Variants in EXOC6B observed in about 807,000 individuals in gnomAD.
The protein encoded by EXOC6B is SEC15 homolog B.
EXOC6B carries 54 observed loss-of-function variants against 113.5 expected under a neutral mutation model. That is an observed-to-expected ratio of 0.48 (90% CI 0.38 to 0.60). EXOC6B has a LOEUF of 0.60. EXOC6B is among the 20% of genes least tolerant of loss of function. The pLI, the probability that EXOC6B is intolerant of heterozygous loss-of-function variation, is 0.00. For synonymous variants in EXOC6B, 357 were observed against 339.0 expected (o/e 1.05, Z -0.58); for missense variants, 797 against 977.5 (o/e 0.82, Z 2.46).
intron 20 of EXOC6B, among the ~76,000 whole-genome samples, chr2:72,251,275 T>C (rs1019896502): frequency 5.9e-5 from 9 of 152,216 alleles, no homozygotes; most frequent in African/African-American, 1.9e-4. Flanking sequence ...GTGCAAAGTG[T>C]ATACAGGAAT....
At chr2:72,550,454 T>C (rs1263029116) in intron 8 of EXOC6B, among the ~76,000 whole-genome samples, 2 of 152,180 alleles carry the variant, frequency 1.3e-5, no homozygotes, top group African/African-American at 4.8e-5. Flanking sequence ...TAAACATACA[T>C]TCTCCAGAAA....
intron 20 of EXOC6B, among the ~76,000 whole-genome samples, chr2:72,277,422 T>C (rs1258708363): frequency 6.6e-6 from 1 of 152,026 alleles, no homozygotes; most frequent in African/African-American, 2.4e-5. Context: ...ATAGAACTAC[T>C]GGCTTCTATG....
chr2:72,396,592 C>A (rs535664574), intron 18 of EXOC6B, among the ~76,000 whole-genome samples: 1 of 152,140 alleles, frequency 6.6e-6, no homozygotes, highest in African/African-American at 2.4e-5. Context: ...ACTTAGGACT[C>A]AGAATATGGG....
intron 20 of EXOC6B, among the ~76,000 whole-genome samples, chr2:72,200,565 T>A (rs1289002723): frequency 2.0e-5 from 3 of 152,112 alleles, no homozygotes; most frequent in Non-Finnish European, 4.4e-5. Flanking sequence ...ACTGATAAAA[T>A]GATAGACCGT....
chr2:72,574,411 A>G (rs1704703445), intron 7 of EXOC6B, among the ~76,000 whole-genome samples: 1 of 152,196 alleles, frequency 6.6e-6, no homozygotes, highest in Non-Finnish European at 1.5e-5. Context: ...TGGGGTAGAG[A>G]CTACTGCCTC....
intron 14 of EXOC6B, among the ~76,000 whole-genome samples, chr2:72,495,832 A>G (rs747824551): frequency 3.9e-4 from 59 of 152,212 alleles, no homozygotes; most frequent in Non-Finnish European, 6.8e-4. Context: ...ACGAATCTCA[A>G]AAGCATTATG....
chr2:72,551,900 T>A (rs762743730), intron 8 of EXOC6B, among the ~76,000 whole-genome samples: 1 of 152,202 alleles, frequency 6.6e-6, no homozygotes, highest in African/African-American at 2.4e-5. Flanking sequence ...CCTGGTGTAA[T>A]GTAATCATAT....
chr2:72,391,278 C>T (rs1452402459), intron 18 of EXOC6B, among the ~76,000 whole-genome samples: 1 of 151,342 alleles, frequency 6.6e-6, no homozygotes, highest in Non-Finnish European at 1.5e-5. Context: ...CCGGTAGTGG[C>T]TACCTCAACA....
chr2:72,567,194 T>C (rs1385702458), intron 7 of EXOC6B, among the ~76,000 whole-genome samples: 2 of 151,924 alleles, frequency 1.3e-5, no homozygotes, highest in East Asian at 3.8e-4. Context: ...TATATCAATT[T>C]GGTAACAATC....
chr2:72,537,543 A>G lies in EXOC6B; in HGVS notation c.915+21910T>C, dbSNP rs1702366623. On this transcript the variant is annotated intron_variant, in intron 8 of 21. Transcript: ENST00000272427. ...CTACTCTGGAGGCTGAGTTGGGAAA[A>G]CTGCTTGAGCCCAGGAGGTTCAAGG... Among the ~76,000 whole-genome samples, 3 of 151,960 alleles carry G rather than the reference A, an allele frequency of 2.0e-5. No individual in the cohort carries two copies. In the South Asian group the frequency reaches 6.2e-4, roughly 32 times the overall value.
At chr2:72,482,520 T>C (rs896952456) in intron 16 of EXOC6B, among the ~76,000 whole-genome samples, 3 of 151,798 alleles carry the variant, frequency 2.0e-5, no homozygotes, top group African/African-American at 4.8e-5. Context: ...GGGTGGCATA[T>C]GACACAAAGC....
rs188696301 is a variant in EXOC6B at position 72,199,577 on chromosome 2, C to G, written c.2197-15390G>C. Among the ~76,000 whole-genome samples the G allele has an allele frequency of 4.9e-4, 75 of 152,276 alleles. 1 individual carries two copies. The East Asian group carries it at 0.012, about 24-fold the overall frequency. On this transcript the variant is annotated intron_variant, in intron 20 of 21. Coordinates refer to ENST00000272427, the MANE Select transcript of EXOC6B (RefSeq NM_015189.3). The stretch of plus-strand genomic sequence containing the variant: ...AGTGAGGTTTTAAATTACCTAAACC[C>G]TAGTAGGACAAATAGCTTCCTCTCC...
chr2:72,561,914 A>G (rs947669759), intron 7 of EXOC6B, among the ~76,000 whole-genome samples: 2 of 152,162 alleles, frequency 1.3e-5, no homozygotes, highest in Non-Finnish European at 2.9e-5. Context: ...CTTCCTAAGC[A>G]TAAGACTGCC....
chr2:72,209,223 CAAAAAAAAA>C lies in EXOC6B; in HGVS notation c.2197-25045_2197-25037del, dbSNP rs1170760516. ...GGGCAACAACAGCAAAACTCAGTCT[CAAAAAAAAA>C]AAAAAAAAAAAAAAAGAAAAGAAAA... On this transcript the variant is annotated intron_variant, in intron 20 of 21. Coordinates refer to ENST00000272427, the MANE Select transcript of EXOC6B (RefSeq NM_015189.3). Among the ~76,000 whole-genome samples, 12 of 57,106 alleles carry C rather than the reference CAAAAAAAAA, an allele frequency of 2.1e-4. 1 individual carries two copies. Among genetic ancestry groups the C allele is most frequent in the African/African-American group, 7.2e-4 (12 of 16,760 alleles). 37.5% of individuals were successfully genotyped at this position (57,106 alleles called of 152,430 possible).
intron 6 of EXOC6B, among the ~76,000 whole-genome samples, chr2:72,643,459 T>C (rs1249743794): frequency 6.7e-6 from 1 of 149,592 alleles, no homozygotes; most frequent in Non-Finnish European, 1.5e-5. Flanking sequence ...TCATGTCCTT[T>C]GTAGGGACAT....
At chr2:72,249,166 T>C (rs1682853399) in intron 20 of EXOC6B, among the ~76,000 whole-genome samples, 1 of 152,328 alleles carries the variant, frequency 6.6e-6, no homozygotes, top group East Asian at 1.9e-4. Context: ...CTCAGGAAGC[T>C]GAGGTGGGAG....
intron 8 of EXOC6B, among the ~76,000 whole-genome samples, chr2:72,559,074 A>T (rs1399578264): frequency 6.6e-6 from 1 of 152,206 alleles, no homozygotes; most frequent in East Asian, 1.9e-4. Context: ...CCTTTTCCAT[A>T]TGCTTTATAT....
At chr2:72,596,544 C>T (rs1670085743) in intron 6 of EXOC6B, among the ~76,000 whole-genome samples, 1 of 151,950 alleles carries the variant, frequency 6.6e-6, no homozygotes, top group African/African-American at 2.4e-5. Flanking sequence ...TATGCTCCCT[C>T]TAGTCTTCCT....
chr2:72,192,187 C>T (rs1678887020), intron 20 of EXOC6B, among the ~76,000 whole-genome samples: 1 of 152,128 alleles, frequency 6.6e-6, no homozygotes, highest in East Asian at 1.9e-4. Context: ...TTCCTTCTGA[C>T]TCCTCAACAG....
Sources: gnomAD v4.1 joint callset for allele counts (sites outside exome capture counted in the v4.1 genomes callset) on GRCh38, gnomAD v4.1.1 for gene constraint, MANE v1.5 for transcripts, NCBI Gene and HGNC (gene_info 2026-07-23, HGNC 2026-07-21) for gene names.